The following ADAMTSL1 variants were observed in gnomAD, a reference collection of about 807,000 sequenced individuals.
ADAMTSL1 encodes ADAMTS-like protein 1.
In ADAMTSL1, 126 loss-of-function variants were observed where a neutral mutation model predicts 201.8. The observed-to-expected ratio is 0.62, with a 90% CI of 0.54 to 0.72. The LOEUF (loss-of-function observed/expected upper bound fraction) is 0.72. Ranked by LOEUF, ADAMTSL1 falls within the 30% of genes least tolerant of loss-of-function variation. The probability of loss-of-function intolerance (pLI) is 0.00; values close to 1 mark genes in which losing one functional copy is unlikely to be tolerated. For synonymous variants in ADAMTSL1, 1,121 were observed against 903.4 expected, an observed-to-expected ratio of 1.24 and a Z score of -4.32; for missense variants, 2,679 against 2,277.8, an observed-to-expected ratio of 1.18 and a Z score of -3.59.
chr9:18,866,789 C>A (rs188934122), intron 23 of ADAMTSL1, among the ~76,000 whole-genome samples: 1 of 152,324 alleles, frequency 6.6e-6, no homozygotes, highest in Non-Finnish European at 1.5e-5. Context: ...TTTCAAGTAA[C>A]GGTCCAGAGG....
Position 18,772,957 on chromosome 9 carries a change from T to C in ADAMTSL1, c.2397+2176T>C, listed in dbSNP as rs367623845. Among the ~76,000 whole-genome samples, 11 of 152,274 alleles carry C rather than the reference T, an allele frequency of 7.2e-5. 1 individual carries two copies. Among genetic ancestry groups the C allele is most frequent in the Admixed American group, 2.6e-4 (4 of 15,290 alleles). ...AACATTGAGGAGGGGCTGGGAATGG[T>C]GGGAAGTAATCACTGAATTGTTGGG... is the stretch of plus-strand genomic sequence containing the variant. On this transcript the variant is annotated intron_variant, in intron 17 of 28. Transcript: ENST00000380548.
Position 18,158,298 on chromosome 9 carries a change from C to T in ADAMTSL1, c.88-5564C>T, listed in dbSNP as rs191711591. On this transcript the variant is annotated intron_variant, in intron 1 of 29. Coordinates refer to the ADAMTSL1 transcript ENST00000680146. Reference sequence around the variant, plus strand: ...AAACCTCCAGAGTATTCTCCTCCTACGTTGTAATGAGGAAATTTCTTTAGT... The same window carrying T: ...AAACCTCCAGAGTATTCTCCTCCTATGTTGTAATGAGGAAATTTCTTTAGT... Among the ~76,000 whole-genome samples the T allele has an allele frequency of 2.8e-4, 42 of 152,060 alleles. 1 individual carries two copies. The highest frequency in any genetic ancestry group is 7.5e-4 in the African/African-American group (31 of 41,506).
At chr9:18,601,350 G>A (rs539366570) in intron 4 of ADAMTSL1, among the ~76,000 whole-genome samples, 7 of 152,072 alleles carry the variant, frequency 4.6e-5, no homozygotes, top group African/African-American at 7.2e-5. Flanking sequence ...CAAAGGCCAG[G>A]CCTCAAGAAG....
intron 2 of ADAMTSL1, among the ~76,000 whole-genome samples, chr9:18,521,155 A>G (rs138751525): frequency 7.4e-4 from 113 of 152,338 alleles, no homozygotes; most frequent in African/African-American, 2.6e-3. Flanking sequence ...GTTTAAGGTC[A>G]GTTTCCATAG....
At chr9:17,972,849 C>T (rs1482096997) in intron 1 of ADAMTSL1, among the ~76,000 whole-genome samples, 112 of 139,164 alleles carry the variant, frequency 8.0e-4, no homozygotes, top group Non-Finnish European at 1.1e-3. Flanking sequence ...TTTTAATGAT[C>T]ACCATTCTAA....
intron 1 of ADAMTSL1, among the ~76,000 whole-genome samples, chr9:17,916,981 A>G (rs1311621297): frequency 6.6e-6 from 1 of 152,082 alleles, no homozygotes; most frequent in African/African-American, 2.4e-5. Context: ...AGTGTTATAT[A>G]TTTTCATCAG....
At chr9:18,201,634 A>G (rs1829451134) in intron 2 of ADAMTSL1, among the ~76,000 whole-genome samples, 1 of 152,106 alleles carries the variant, frequency 6.6e-6, no homozygotes, top group South Asian at 2.1e-4. Context: ...AGAATACCTC[A>G]GGGCTTTGTA....
At chr9:18,830,269 G>C (rs1233846764) in intron 23 of ADAMTSL1, among the ~76,000 whole-genome samples, 1 of 152,076 alleles carries the variant, frequency 6.6e-6, no homozygotes, top group Admixed American at 6.6e-5. Context: ...ATTGACTCTT[G>C]AAACTTTGAG....
At chr9:17,909,109 T>G (rs554631076) in intron 1 of ADAMTSL1, among the ~76,000 whole-genome samples, 9 of 148,040 alleles carry the variant, frequency 6.1e-5, no homozygotes, top group African/African-American at 2.2e-4. Flanking sequence ...TTTGGCTGCA[T>G]AAATGTCTTC....
intron 16 of ADAMTSL1, among the ~76,000 whole-genome samples, chr9:18,767,633 A>C (rs1236435951): frequency 6.6e-6 from 1 of 152,236 alleles, no homozygotes; most frequent in Non-Finnish European, 1.5e-5. Flanking sequence ...ATTTCTCCTA[A>C]GTACCAACTT....
At chr9:18,855,295 T>C (rs1826772076) in intron 23 of ADAMTSL1, among the ~76,000 whole-genome samples, 1 of 152,216 alleles carries the variant, frequency 6.6e-6, no homozygotes, top group African/African-American at 2.4e-5. Context: ...ACTGTTTTCA[T>C]GAGCATTCTG....
At chr9:18,720,798 A>G (rs1833300511) in intron 14 of ADAMTSL1, among the ~76,000 whole-genome samples, 1 of 152,194 alleles carries the variant, frequency 6.6e-6, no homozygotes. Flanking sequence ...AAAATAAAAT[A>G]AAAATAAGTG....
intron 1 of ADAMTSL1, among the ~76,000 whole-genome samples, chr9:18,160,990 G>C (rs1342368143): frequency 3.3e-5 from 5 of 151,488 alleles, no homozygotes; most frequent in Non-Finnish European, 7.4e-5. Flanking sequence ...GCCTGGCCAG[G>C]ATTAAATAGA....
intron 2 of ADAMTSL1, among the ~76,000 whole-genome samples, chr9:18,444,663 A>G (rs1185553357): frequency 8.5e-5 from 13 of 152,122 alleles, no homozygotes; most frequent in African/African-American, 3.1e-4. Context: ...CTTTTGCTTT[A>G]CCTTAAACAA....
intron 14 of ADAMTSL1, among the ~76,000 whole-genome samples, chr9:18,711,906 G>T (rs568792922): frequency 6.9e-5 from 10 of 144,012 alleles, no homozygotes; most frequent in Middle Eastern, 7.1e-3. Flanking sequence ...ATCTGAGAAC[G>T]GGCAGACTGC....
At chr9:17,982,617 A>AAAAT (rs150282047) in intron 1 of ADAMTSL1, among the ~76,000 whole-genome samples, 5,154 of 152,036 alleles carry the variant, frequency 0.034, 117 homozygotes, top group Middle Eastern at 0.071. Flanking sequence ...GTCTCAGGGA[A>AAAAT]AAATAAATAA....
intron 1 of ADAMTSL1, among the ~76,000 whole-genome samples, chr9:18,487,375 C>A (rs985646757): frequency 6.6e-6 from 1 of 152,134 alleles, no homozygotes; most frequent in Non-Finnish European, 1.5e-5. Flanking sequence ...TTGGCCTCAC[C>A]TCATAAAGTA....
chr9:18,249,282 G>A (rs191358966), intron 2 of ADAMTSL1, among the ~76,000 whole-genome samples: 9 of 152,300 alleles, frequency 5.9e-5, no homozygotes, highest in East Asian at 3.9e-4. Context: ...CATTCTAGAC[G>A]TGTCAAGTGG....
chr9:18,656,578 G>A (rs1167747056), intron 7 of ADAMTSL1, among the ~76,000 whole-genome samples: 5 of 148,992 alleles, frequency 3.4e-5, no homozygotes, highest in Non-Finnish European at 7.4e-5. Context: ...GCAGTGAGCC[G>A]GGATGGTGCC....
Sources: gnomAD v4.1 joint callset for allele counts (sites outside exome capture counted in the v4.1 genomes callset) on GRCh38, gnomAD v4.1.1 for gene constraint, MANE v1.5 for transcripts, NCBI Gene and HGNC (gene_info 2026-07-23, HGNC 2026-07-21) for gene names.